The following CENPN variants were observed in gnomAD, a reference collection of about 807,000 sequenced individuals.
CENPN encodes the protein interphase centromere complex protein 32.
Under a neutral mutation model 48.6 loss-of-function variants are expected in CENPN, and 36 were observed. The ratio of observed to expected loss-of-function variants is 0.74; its 90% CI spans 0.57 to 0.98. The LOEUF (loss-of-function observed/expected upper bound fraction) is 0.98, where lower values mean the gene tolerates loss of function less well. Ranked by LOEUF, CENPN falls within the 50% of genes least tolerant of loss-of-function variation. The pLI, the probability that CENPN is intolerant of heterozygous loss-of-function variation, is 0.00. For missense variants in CENPN, 439 were observed against 399.2 expected (o/e 1.10, Z -0.85); for synonymous variants, 166 against 135.2 (o/e 1.23, Z -1.58).
chr16:81,029,071 G>C lies in CENPN; in HGVS notation c.*420G>C. 1 of 987,324 alleles carries C rather than the reference G, an allele frequency of 1.0e-6. No individual in the cohort carries two copies. The highest frequency in any genetic ancestry group is 1.2e-6 in the Non-Finnish European group (1 of 831,358). 61.2% of individuals were successfully genotyped at this position (987,324 alleles called of 1,614,324 possible). A position where few individuals can be genotyped will look rare whatever the true frequency, so the allele number is the denominator to read the frequency against. ...ATTCTTAAGCTCTGGATCACAGAGA[G>C]AAGCAACAAGGAACTATACTCAACT... On this transcript the variant is annotated 3_prime_UTR_variant, in exon 11 of 11. Coordinates refer to ENST00000305850, the MANE Select transcript of CENPN (RefSeq NM_001100624.3).
chr16:81,013,882 A>G (rs908589123), intron 2 of CENPN, among the ~76,000 whole-genome samples: 38 of 152,358 alleles, frequency 2.5e-4, no homozygotes, highest in African/African-American at 9.1e-4. Flanking sequence ...TTATACTTCA[A>G]TAAAGTTAAT....
rs183805193 is a variant in CENPN, at chr16:81,008,352, C to T, written c.-11+1075C>T. On this transcript the variant is annotated intron_variant, in intron 1 of 10. Transcript: ENST00000305850. ...AGGAATCTTCATTTTAACGGGTAGC[C>T]TCGTCTGTGGGTTTTTTTGTTTGTT... 2.0e-5 allele frequency among the ~76,000 whole-genome samples: 3 copies of T among 152,086 alleles called. No individual in the cohort carries two copies. In the East Asian group the frequency reaches 5.8e-4, roughly 29 times the overall value.
At chr16:81,010,060 G>A (rs1964298) in intron 1 of CENPN, among the ~76,000 whole-genome samples, 99,767 of 151,996 alleles carry the variant, frequency 0.66, 34,345 homozygotes, top group Middle Eastern at 0.8. Flanking sequence ...TTAGCCAGGC[G>A]TGGTGGTGCA....
At chr16:81,020,027 T>A (rs1053323827) in intron 5 of CENPN, 73 bp from the exon 6 acceptor site, 14 of 1,374,600 alleles carry the variant, frequency 1.0e-5, no homozygotes, top group Non-Finnish European at 1.4e-5. Flanking sequence ...TCACCCCTAA[T>A]AAGCACCTGG....
At chr16:81,007,576 C>A (rs1025999743) in intron 1 of CENPN, 14 of 152,356 alleles carry the variant, frequency 9.2e-5, no homozygotes, top group Admixed American at 5.9e-4. Flanking sequence ...CTCCGCTCTA[C>A]GATCCTGGGG....
chr16:81,017,465 G>A, intron 4 of CENPN, 80 bp downstream of exon 4: 1 of 911,840 alleles, frequency 1.1e-6, no homozygotes, highest in South Asian at 1.4e-5. Flanking sequence ...AGCTGAGATT[G>A]CACCACTGCA....
Position 81,026,576 on chromosome 16 carries a change from C to A in CENPN, c.748C>A (p.Arg250=). The A allele has an allele frequency of 6.2e-7, 1 of 1,607,098 alleles. No homozygotes were observed. The change falls in exon 9 of 11, where the codon CGA becomes AGA. Residue 250 remains arginine, a synonymous_variant. Coordinates refer to ENST00000305850, the MANE Select transcript of CENPN (RefSeq NM_001100624.3). ...CATAGTAGAAAAAGAGAGAGTCCAACGAATAACTCAAGAAACATTTGGAGA... is the reference window on the plus strand; with the variant it reads ...CATAGTAGAAAAAGAGAGAGTCCAAAGAATAACTCAAGAAACATTTGGAGA... ...ENIVEKERVQ[R]ITQETFGDYP...
chr16:81,028,499 C>G, intron 10 of CENPN, 70 bp from the exon 11 acceptor site: 3 of 1,578,596 alleles, frequency 1.9e-6, no homozygotes, highest in Non-Finnish European at 2.6e-6. Context: ...CATTTTTAAA[C>G]TGACTCAAAT....
At chr16:81,026,782 G>A (rs1970517472) in intron 9 of CENPN, 144 bp downstream of exon 9, 1 of 453,536 alleles carries the variant, frequency 2.2e-6, no homozygotes, top group Admixed American at 3.8e-5. Flanking sequence ...GAATTAAATA[G>A]ACCTCTTTAT....
chr16:81,026,243 TTTTA>T (rs1274098034), intron 8 of CENPN, among the ~76,000 whole-genome samples: 1 of 150,878 alleles, frequency 6.6e-6, no homozygotes, highest in Non-Finnish European at 1.5e-5. Flanking sequence ...GCATCTTTAT[TTTTA>T]TTCACTGTAA....
In CENPN at chr16:81,028,635, A is replaced by G; in HGVS notation, c.1004A>G (p.Lys335Arg). 1 of 1,611,940 alleles carries G rather than the reference A, an allele frequency of 6.2e-7. No homozygotes were observed. The highest frequency in any genetic ancestry group is 8.5e-7 in the Non-Finnish European group (1 of 1,179,636). ...CCCAACAAGAGAATGAATTATTTTA[A>G]AATTAGAGATAAATAAGACGTGCGT... is the stretch of plus-strand genomic sequence containing the variant. Reference protein sequence around the residue: ...CIPNKRMNYFKIRDK With the variant: ...CIPNKRMNYFRIRDK The change falls in exon 11 of 11, where the codon AAA becomes AGA. Residue 335 changes from lysine (K) to arginine (R), a missense_variant. Lys to Arg is a conservative substitution (Grantham distance 26). Coordinates refer to ENST00000305850, the MANE Select transcript of CENPN (RefSeq NM_001100624.3).
At position 81,030,491 on chromosome 16, in the gene CENPN, G is replaced by C. The variant is rs577400691; in HGVS notation, c.*1840G>C. ...GGGCCGGGTGTAGTGGCTCACGCCT[G>C]TAATCCTAGCACTTTGGGAAGCCGA... On this transcript the variant is annotated 3_prime_UTR_variant, in exon 11 of 11. Transcript: ENST00000305850. 1 of 774,454 alleles carries C rather than the reference G, an allele frequency of 1.3e-6. No homozygotes were observed. Among genetic ancestry groups the C allele is most frequent in the African/African-American group, 1.9e-5 (1 of 52,992 alleles). The allele number at this position is 774,454 out of a possible 1,614,324, so 48.0% of individuals were successfully genotyped here.
At chr16:81,022,247 T>C (rs1222764071) in intron 6 of CENPN, 1 of 243,640 alleles carries the variant, frequency 4.1e-6, no homozygotes, top group Non-Finnish European at 8.1e-6. Context: ...TCTGCGTTTT[T>C]GTATGGCAAT....
intron 3 of CENPN, among the ~76,000 whole-genome samples, chr16:81,016,214 A>G (rs1206426123): frequency 6.6e-6 from 1 of 152,018 alleles, no homozygotes; most frequent in East Asian, 1.9e-4. Flanking sequence ...TCGTTCATCA[A>G]ACATATACTG....
chr16:81,014,320 T>C (rs990946569), intron 3 of CENPN, 139 bp downstream of exon 3: 6 of 666,412 alleles, frequency 9.0e-6, no homozygotes, highest in South Asian at 6.6e-5. Flanking sequence ...CCGCGACCTC[T>C]GCCTCCTGGA....
At position 81,028,647 on chromosome 16, in the gene CENPN, A is replaced by G; in HGVS notation, c.1016A>G (p.Lys339Arg). 6.2e-7 allele frequency: 1 copy of G among 1,611,164 alleles called. No homozygotes were observed. The highest frequency in any genetic ancestry group is 8.5e-7 in the Non-Finnish European group (1 of 1,179,436). ...KRMNYFKIRDK is the reference protein window; with the variant it reads ...KRMNYFKIRDR ...ATGAATTATTTTAAAATTAGAGATA[A>G]ATAAGACGTGCGTGGTTTCTTAAGC... Residue 339 changes from lysine to arginine, a missense_variant, in exon 11 of 11, where the codon AAA becomes AGA. Coordinates refer to ENST00000305850, the MANE Select transcript of CENPN (RefSeq NM_001100624.3).
intron 1 of CENPN, among the ~76,000 whole-genome samples, chr16:81,007,604 G>A (rs1036840448): frequency 6.6e-6 from 1 of 152,210 alleles, no homozygotes; most frequent in Non-Finnish European, 1.5e-5. Flanking sequence ...CTTTCCCAGA[G>A]TTGGGGTTTT....
downstream of CENPN, chr16:81,032,683 C>T (rs751967865): frequency 2.5e-6 from 4 of 1,605,046 alleles, no homozygotes; most frequent in South Asian, 4.5e-5. Flanking sequence ...CCCATTGTAT[C>T]CAAGATGTTA....
intron 1 of CENPN, 79 bp from the exon 2 acceptor site, chr16:81,011,845 ATATGTG>A (rs978462905): frequency 7.1e-6 from 8 of 1,120,770 alleles, no homozygotes; most frequent in Non-Finnish European, 1.0e-5. Context: ...TCTATTTTTC[ATATGTG>A]TATGTGTATG....
Sources: gnomAD v4.1 joint callset for allele counts (sites outside exome capture counted in the v4.1 genomes callset) on GRCh38, gnomAD v4.1.1 for gene constraint, MANE v1.5 for transcripts, NCBI Gene and HGNC (gene_info 2026-07-23, HGNC 2026-07-21) for gene names.